RPS6KC1: variants seen among roughly 807,000 people sequenced by gnomAD.
RPS6KC1 encodes inactive ribosomal protein S6 kinase delta-1.
RPS6KC1 carries 54 observed loss-of-function variants against 103.8 expected under a neutral mutation model. The observed-to-expected ratio is 0.52, with a 90% CI of 0.42 to 0.65. The LOEUF (loss-of-function observed/expected upper bound fraction) is 0.65. Among genes scored for constraint, RPS6KC1 ranks in the 30% least tolerant of loss-of-function variants. RPS6KC1 has a pLI of 0.00. For missense variants in RPS6KC1, 1,151 were observed against 1,253.8 expected (o/e 0.92, Z 1.24); for synonymous variants, 439 against 438.7 (o/e 1.00, Z -0.01).
At chr1:213,491,877 T>A in the RPS6KC1 span, among the ~76,000 whole-genome samples, 1 of 152,162 alleles carries the variant, frequency 6.6e-6, no homozygotes, top group Non-Finnish European at 1.5e-5. Context: ...TTGGGTTGAA[T>A]AAAAATTGCC....
the RPS6KC1 span, among the ~76,000 whole-genome samples, chr1:213,852,603 CA>C: frequency 1.3e-5 from 2 of 152,098 alleles, no homozygotes; most frequent in Admixed American, 6.6e-5. Context: ...TTGTTATGGC[CA>C]TTTCCTCAAT....
the RPS6KC1 span, among the ~76,000 whole-genome samples, chr1:213,683,405 G>T: frequency 6.6e-6 from 1 of 152,094 alleles, no homozygotes; most frequent in Non-Finnish European, 1.5e-5. Context: ...GAGAGAGGGG[G>T]AACACACCTA....
At chr1:213,518,410 C>T in the RPS6KC1 span, among the ~76,000 whole-genome samples, 2 of 152,112 alleles carry the variant, frequency 1.3e-5, no homozygotes, top group Non-Finnish European at 2.9e-5. Flanking sequence ...AAGATGGATG[C>T]AGAGATTACA....
chr1:213,276,074 C>G (rs919527319), downstream of RPS6KC1, among the ~76,000 whole-genome samples: 1 of 152,100 alleles, frequency 6.6e-6, no homozygotes, highest in Non-Finnish European at 1.5e-5. Context: ...TCAAATGGTG[C>G]ATGTACTGAA....
At chr1:213,673,454 G>A in the RPS6KC1 span, among the ~76,000 whole-genome samples, 9,008 of 152,228 alleles carry the variant, frequency 0.059, 602 homozygotes, top group East Asian at 0.24. Flanking sequence ...TGCAGTGGAC[G>A]TTAGCAGCTG....
intron 14 of RPS6KC1, among the ~76,000 whole-genome samples, chr1:213,269,363 T>A (rs2094986909): frequency 6.6e-6 from 1 of 152,146 alleles, no homozygotes. Flanking sequence ...AAGTGGAGGC[T>A]CAATACCCCA....
the RPS6KC1 span, among the ~76,000 whole-genome samples, chr1:213,434,446 C>CTCTT: frequency 3.8e-3 from 573 of 151,850 alleles, 8 homozygotes; most frequent in African/African-American, 0.013. Flanking sequence ...ATCTTTGTTT[C>CTCTT]TCTTTCTTTC....
At chr1:213,838,981 G>T in the RPS6KC1 span, among the ~76,000 whole-genome samples, 1 of 152,156 alleles carries the variant, frequency 6.6e-6, no homozygotes, top group Admixed American at 6.5e-5. Context: ...TTAGCAATAT[G>T]GTGTCTGTAA....
chr1:213,562,467 G>A, the RPS6KC1 span, among the ~76,000 whole-genome samples: 1 of 139,498 alleles, frequency 7.2e-6, no homozygotes, highest in Non-Finnish European at 1.5e-5. Flanking sequence ...TCGGCTCACT[G>A]CAAGCTCCGC....
At chr1:213,298,540 T>C in the RPS6KC1 span, among the ~76,000 whole-genome samples, 1 of 152,182 alleles carries the variant, frequency 6.6e-6, no homozygotes, top group African/African-American at 2.4e-5. Context: ...GTTTGCTGTT[T>C]TTTTGAGCAT....
At chr1:213,257,676 C>T (rs2094680840) in intron 12 of RPS6KC1, among the ~76,000 whole-genome samples, 1 of 151,632 alleles carries the variant, frequency 6.6e-6, no homozygotes, top group Admixed American at 6.6e-5. Flanking sequence ...GCAATGTGTA[C>T]CTACTGTGAA....
At chr1:213,793,090 C>A in the RPS6KC1 span, among the ~76,000 whole-genome samples, 1 of 152,326 alleles carries the variant, frequency 6.6e-6, no homozygotes, top group South Asian at 2.1e-4. Context: ...TCTCTCCCTC[C>A]TCCAAGAGAG....
At chr1:213,072,427 A>G (rs2078971684) in intron 2 of RPS6KC1, among the ~76,000 whole-genome samples, 1 of 152,096 alleles carries the variant, frequency 6.6e-6, no homozygotes. Context: ...AGGCACCTGT[A>G]ATCCCATCTA....
chr1:213,743,467 A>G, the RPS6KC1 span, among the ~76,000 whole-genome samples: 1 of 152,230 alleles, frequency 6.6e-6, no homozygotes, highest in Non-Finnish European at 1.5e-5. Context: ...ATGCCCATGT[A>G]ACAAACATGC....
At chr1:213,367,893 A>G in the RPS6KC1 span, among the ~76,000 whole-genome samples, 5 of 152,232 alleles carry the variant, frequency 3.3e-5, no homozygotes, top group African/African-American at 1.2e-4. Flanking sequence ...GATTCAGTGT[A>G]AGTTAGGATC....
the RPS6KC1 span, among the ~76,000 whole-genome samples, chr1:213,540,543 G>GC: frequency 2.6e-5 from 4 of 152,156 alleles, no homozygotes; most frequent in African/African-American, 9.7e-5. Flanking sequence ...TAGAGATGGG[G>GC]TTTTGCCATG....
At chr1:213,673,246 A>G in the RPS6KC1 span, among the ~76,000 whole-genome samples, 3 of 152,214 alleles carry the variant, frequency 2.0e-5, no homozygotes, top group African/African-American at 7.2e-5. Context: ...CCCAGCTGTC[A>G]GGAGATAAGC....
At chr1:213,602,044 CTT>C in the RPS6KC1 span, among the ~76,000 whole-genome samples, 2 of 60,532 alleles carry the variant, frequency 3.3e-5, no homozygotes, top group Non-Finnish European at 6.7e-5. Flanking sequence ...CTCTTTCTTT[CTT>C]TCTTTCTTTC....
At chr1:213,230,439 C>A in intron 8 of RPS6KC1, 58 bp from the exon 9 acceptor site, 1 of 1,276,776 alleles carries the variant, frequency 7.8e-7, no homozygotes, top group Non-Finnish European at 1.1e-6. Context: ...TAGTTTAAAG[C>A]TAAGAGTTAA....
Sources: allele counts gnomAD v4.1 joint callset (sites outside exome capture counted in the v4.1 genomes callset), GRCh38; gene constraint gnomAD v4.1.1; transcripts MANE v1.5; gene names NCBI Gene and HGNC (gene_info 2026-07-23, HGNC 2026-07-21).